Variants in ZNF200 observed in about 807,000 individuals in gnomAD.
The protein encoded by ZNF200 is zinc finger protein 200.
ZNF200 carries 35 observed loss-of-function variants against 33.6 expected under a neutral mutation model. The observed-to-expected ratio is 1.04, with a 90% CI of 0.80 to 1.38. The LOEUF (loss-of-function observed/expected upper bound fraction) is 1.38. Among genes scored for constraint, ZNF200 ranks in the 40% most tolerant of loss-of-function variants. The pLI is 0.00. For missense variants in ZNF200, 592 were observed against 470.6 expected (o/e 1.26, Z -2.39); for synonymous variants, 209 against 167.7 (o/e 1.25, Z -1.90).
At chr16:3,232,615 A>T (rs1180628597) in intron 3 of ZNF200, 68 bp from the exon 4 acceptor site, 2 of 1,586,262 alleles carry the variant, frequency 1.3e-6, no homozygotes, top group South Asian at 1.1e-5. Flanking sequence ...TGGTAAGAAA[A>T]GCTGACACAC....
At chr16:3,226,730 A>G (rs945013658) in intron 4 of ZNF200, 18 of 152,136 alleles carry the variant, frequency 1.2e-4, no homozygotes, top group African/African-American at 4.3e-4. Context: ...TTTGTACATC[A>G]TTTCGAATGT....
In ZNF200 at chr16:3,224,294, A is replaced by T. The variant is rs371628901; in HGVS notation, c.786T>A (p.Asn262Lys). ...YTCPLCGKQF[N>K]ESSYLISHQR... ...GGTGGGAAATGAGGTAAGAACTTTC[A>T]TTAAACTGTTTCCCACACAGTGGAC... The change falls in exon 5 of 5, where the codon AAT becomes AAA. Residue 262 changes from asparagine to lysine, a missense_variant. Physicochemically the swap from Asn to Lys is moderately conservative, Grantham distance 94 (BLOSUM62 0). Transcript: ENST00000414144. The T allele has an allele frequency of 6.2e-7, 1 of 1,614,160 alleles. No homozygotes were observed. Among genetic ancestry groups the T allele is most frequent in the Non-Finnish European group, 8.5e-7 (1 of 1,180,008 alleles).
chr16:3,224,755 T>C (rs1158225151), intron 4 of ZNF200, 142 bp from the exon 5 acceptor site: 1 of 1,034,736 alleles, frequency 9.7e-7, no homozygotes, highest in Non-Finnish European at 1.4e-6. Context: ...TCCTTTTCCA[T>C]ACTTATTGAG....
chr16:3,223,853 T>G lies in ZNF200; in HGVS notation c.*39A>C. 1.3e-6 allele frequency: 2 copies of G among 1,553,898 alleles called. No individual in the cohort carries two copies. Among genetic ancestry groups the G allele is most frequent in the Non-Finnish European group, 1.7e-6 (2 of 1,153,378 alleles). On this transcript the variant is annotated 3_prime_UTR_variant, in exon 5 of 5. Coordinates refer to ENST00000414144, the MANE Select transcript of ZNF200 (RefSeq NM_198088.3). ...AGAACTACTTATGAAAGCTCTCAGG[T>G]TGAGGCAGCACCATCAGACCCAGAA...
At position 3,233,726 on chromosome 16, in the gene ZNF200, G is replaced by A. The variant is rs771952618; in HGVS notation, c.30C>T (p.Pro10=). 1 of 1,612,554 alleles carries A rather than the reference G, an allele frequency of 6.2e-7. No individual in the cohort carries two copies. Among genetic ancestry groups the A allele is most frequent in the East Asian group, 2.2e-5 (1 of 44,818 alleles). Residue 10 remains proline (P), a synonymous_variant, in exon 2 of 5, where the codon CCC becomes CCT. Coordinates refer to ENST00000414144, the MANE Select transcript of ZNF200 (RefSeq NM_198088.3). The part of the protein sequence containing the change: MMAAKVVPM[P]PKPKQSFILR... The stretch of plus-strand genomic sequence containing the variant: ...GTATAAAGGACTGCTTTGGCTTTGG[G>A]GGCATAGGAACCACTTTTGCAGCCA...
intron 1 of ZNF200, chr16:3,234,553 G>C (rs1195979895): frequency 2.0e-5 from 3 of 152,456 alleles, no homozygotes; most frequent in African/African-American, 4.8e-5. Flanking sequence ...AAGAGCAATG[G>C]GCTAGAAGAC....
chr16:3,224,717 T>G, intron 4 of ZNF200, 104 bp from the exon 5 acceptor site: 1 of 1,439,980 alleles, frequency 6.9e-7, no homozygotes, highest in Admixed American at 2.3e-5. Flanking sequence ...AACGTCAATC[T>G]GGGGAGTGGC....
In ZNF200 at chr16:3,231,586, T is replaced by C. The variant is rs1958636364; in HGVS notation, c.466+835A>G. ...AGGTAAAGCATCTCTAAGCAAATTATAGAGAGGCTGCTGCTTGATCAGTTC... is the reference window on the plus strand; with the variant it reads ...AGGTAAAGCATCTCTAAGCAAATTACAGAGAGGCTGCTGCTTGATCAGTTC... On this transcript the variant is annotated intron_variant, in intron 4 of 4. Coordinates refer to ENST00000414144, the MANE Select transcript of ZNF200 (RefSeq NM_198088.3). Among the ~76,000 whole-genome samples, 3 of 152,350 alleles carry C rather than the reference T, an allele frequency of 2.0e-5. No homozygotes were observed. In the South Asian group the frequency reaches 6.2e-4, roughly 32 times the overall value.
chr16:3,233,547 A>C lies in ZNF200; in HGVS notation c.209T>G (p.Leu70Trp). The stretch of plus-strand genomic sequence containing the variant: ...TGAGCTCACATCTTTCATAATAACC[A>C]AGGTCTCCTTGACTTTCTGACTGGG... ...VQPSQKVKETLVIMKDVSSSL... is the reference protein window; with the variant it reads ...VQPSQKVKETWVIMKDVSSSL... Residue 70 changes from leucine (L) to tryptophan (W), a missense_variant, in exon 2 of 5, where the codon TTG becomes TGG. Coordinates refer to ENST00000414144, the MANE Select transcript of ZNF200 (RefSeq NM_198088.3). 1 of 1,588,996 alleles carries C rather than the reference A, an allele frequency of 6.3e-7. No individual in the cohort carries two copies. The highest frequency in any genetic ancestry group is 8.6e-7 in the Non-Finnish European group (1 of 1,168,650).
intron 4 of ZNF200, among the ~76,000 whole-genome samples, chr16:3,228,754 C>A (rs529847407): frequency 6.6e-6 from 1 of 152,206 alleles, no homozygotes; most frequent in South Asian, 2.1e-4. Context: ...CCCGCCTTTG[C>A]CTCCCAAAGT....
intron 1 of ZNF200, 196 bp from the exon 2 acceptor site, chr16:3,234,032 C>T (rs747894975): frequency 7.5e-5 from 24 of 319,752 alleles, no homozygotes; most frequent in Middle Eastern, 9.4e-4. Context: ...GAATGAAAAA[C>T]AGAGACTGTG....
At chr16:3,232,322 G>C in intron 4 of ZNF200, 99 bp downstream of exon 4, 7 of 1,349,554 alleles carry the variant, frequency 5.2e-6, no homozygotes, top group Non-Finnish European at 5.1e-6. Context: ...TGTGCACATA[G>C]GCTTACCAGG....
chr16:3,224,613 G>A lies in ZNF200; in HGVS notation c.467C>T (p.Ala156Val), dbSNP rs751860360. ...ACCTTCAGGATTACTGCCATTGACTGCTGAAACAAAGAGAGAATTTAACAA... is the reference window on the plus strand; with the variant it reads ...ACCTTCAGGATTACTGCCATTGACTACTGAAACAAAGAGAGAATTTAACAA... ...DSSVGEMMLL[A>V]VNGSNPEGED... Residue 156 changes from alanine to valine, a missense_variant and splice_region_variant, in exon 5 of 5, where the codon GCA (alanine) becomes GTA (valine). By Grantham distance (64) the Ala-to-Val change is moderately conservative. Transcript: ENST00000414144. 2.5e-6 allele frequency: 4 copies of A among 1,579,842 alleles called. No homozygotes were observed. In the African/African-American group the frequency reaches 4.1e-5, roughly 16 times the overall value.
At chr16:3,234,481 A>C (rs970884117) in intron 1 of ZNF200, among the ~76,000 whole-genome samples, 1 of 152,326 alleles carries the variant, frequency 6.6e-6, no homozygotes, top group South Asian at 2.1e-4. Context: ...AAAAGAAAGA[A>C]AAGACAGAAA....
In ZNF200 at chr16:3,233,830, A is replaced by G. The variant is rs1596344211; in HGVS notation, c.-75T>C. ...TCTTACTAGAGGAAATCTGCCAGAGAGCCAAGCTGTAGACAGAGAAACCAG... is the reference window on the plus strand; with the variant it reads ...TCTTACTAGAGGAAATCTGCCAGAGGGCCAAGCTGTAGACAGAGAAACCAG... On this transcript the variant is annotated 5_prime_UTR_variant, in exon 2 of 5. Coordinates refer to ENST00000414144, the MANE Select transcript of ZNF200 (RefSeq NM_198088.3). 2.0e-6 allele frequency: 3 copies of G among 1,531,746 alleles called. No homozygotes were observed. The highest frequency in any genetic ancestry group is 2.6e-5 in the South Asian group (2 of 77,554). 94.9% of individuals were successfully genotyped at this position (1,531,746 alleles called of 1,614,324 possible). A position where few individuals can be genotyped will look rare whatever the true frequency, so the allele number is the denominator to read the frequency against.
chr16:3,233,716 T>C lies in ZNF200; in HGVS notation c.40A>G (p.Lys14Glu). ...GGAACTCTCAGTATAAAGGACTGCT[T>C]TGGCTTTGGGGGCATAGGAACCACT... The part of the protein sequence containing the change: ...AKVVPMPPKP[K>E]QSFILRVPPD... Residue 14 changes from lysine (K) to glutamate (E), a missense_variant, in exon 2 of 5, where the codon AAG becomes GAG. Physicochemically the swap from Lys to Glu is moderately conservative, Grantham distance 56 (BLOSUM62 1). Coordinates refer to ENST00000414144, the MANE Select transcript of ZNF200 (RefSeq NM_198088.3). 1 of 1,613,408 alleles carries C rather than the reference T, an allele frequency of 6.2e-7. No homozygotes were observed. The highest frequency in any genetic ancestry group is 8.5e-7 in the Non-Finnish European group (1 of 1,179,812).
intron 4 of ZNF200, among the ~76,000 whole-genome samples, chr16:3,230,973 G>A (rs1023876954): frequency 1.3e-5 from 2 of 152,160 alleles, no homozygotes; most frequent in Non-Finnish European, 2.9e-5. Flanking sequence ...CAAATTGGAA[G>A]ATTACAAAAG....
Position 3,233,568 on chromosome 16 carries a change from C to T in ZNF200, c.188G>A (p.Ser63Asn). Residue 63 changes from serine to asparagine, a missense_variant, in exon 2 of 5, where the codon AGT becomes AAT. Physicochemically the swap from Ser to Asn is conservative, Grantham distance 46. Coordinates refer to ENST00000414144, the MANE Select transcript of ZNF200 (RefSeq NM_198088.3). Reference protein sequence around the residue: ...FLPKPSLVQPSQKVKETLVIM... With the variant: ...FLPKPSLVQPNQKVKETLVIM... ...AACCAAGGTCTCCTTGACTTTCTGA[C>T]TGGGCTGGACCAGGCTTGGCTTGGG... 1 of 1,604,590 alleles carries T rather than the reference C, an allele frequency of 6.2e-7. No homozygotes were observed. The highest frequency in any genetic ancestry group is 8.5e-7 in the Non-Finnish European group (1 of 1,175,966).
At position 3,223,915 on chromosome 16, in the gene ZNF200, A is replaced by C. The variant is rs768608925; in HGVS notation, c.1165T>G (p.Cys389Gly). 90 of 1,613,116 alleles carry C rather than the reference A, an allele frequency of 5.6e-5. No individual in the cohort carries two copies. The highest frequency in any genetic ancestry group is 6.6e-5 in the Non-Finnish European group (78 of 1,179,596). Residue 389 changes from cysteine to glycine, a missense_variant, in exon 5 of 5, where the codon TGT (cysteine) becomes GGT (glycine). Transcript: ENST00000414144. The part of the protein sequence containing the change: ...CTRHEKTHSA[C>G]KTRKQK ...TATTACTTCTGCTTTCGGGTCTTAC[A>C]GGCTGAGTGGGTTTTCTCATGCCGG... is the stretch of plus-strand genomic sequence containing the variant.
Sources: allele counts gnomAD v4.1 joint callset (sites outside exome capture counted in the v4.1 genomes callset), GRCh38; gene constraint gnomAD v4.1.1; transcripts MANE v1.5; gene names NCBI Gene and HGNC (gene_info 2026-07-23, HGNC 2026-07-21).